The following ZNF565 variants were observed in gnomAD, a reference collection of about 807,000 sequenced individuals.
The protein encoded by ZNF565 is zinc finger protein 565.
In ZNF565, 27 loss-of-function variants were observed where a neutral mutation model predicts 39.4. The ratio of observed to expected loss-of-function variants is 0.69; its 90% CI spans 0.51 to 0.95. ZNF565 has a LOEUF of 0.95. ZNF565 is among the 40% of genes least tolerant of loss of function. The pLI, the probability that ZNF565 is intolerant of heterozygous loss-of-function variation, is 0.00. For synonymous variants in ZNF565, 185 were observed against 216.6 expected (o/e 0.85, Z 1.28); for missense variants, 524 against 621.1 (o/e 0.84, Z 1.66).
chr19:36,220,851 G>A (rs952208664), intron 1 of ZNF565, among the ~76,000 whole-genome samples: 1 of 135,024 alleles, frequency 7.4e-6, no homozygotes, highest in African/African-American at 2.9e-5. Context: ...TTCTTAAAAT[G>A]CATCTTTTTT....
chr19:36,239,100 C>T (rs1035763706), intron 1 of ZNF565, among the ~76,000 whole-genome samples: 5 of 152,260 alleles, frequency 3.3e-5, no homozygotes, highest in Admixed American at 3.3e-4. Context: ...AAACAGGTCC[C>T]TGGTACCAAA....
intron 4 of ZNF565, among the ~76,000 whole-genome samples, chr19:36,187,187 T>A (rs1358025708): frequency 1.3e-5 from 2 of 149,684 alleles, no homozygotes; most frequent in Non-Finnish European, 1.5e-5. Flanking sequence ...CGAAACTCCA[T>A]CTCAAAAAAA....
intron 1 of ZNF565, among the ~76,000 whole-genome samples, chr19:36,229,255 C>A (rs751832413): frequency 6.6e-6 from 1 of 152,164 alleles, no homozygotes; most frequent in African/African-American, 2.4e-5. Context: ...TCACACTTCC[C>A]GTTGTCTTCT....
chr19:36,183,160 T>A lies in ZNF565; in HGVS notation c.806A>T (p.His269Leu). The change falls in exon 5 of 5, where the codon CAT (histidine) becomes CTT (leucine). Residue 269 changes from histidine to leucine, a missense_variant. Coordinates refer to ENST00000304116, the MANE Select transcript of ZNF565 (RefSeq NM_152477.5). Reference sequence around the variant, plus strand: ...TTTCTCGCCTGTGTGAGTTCTTTGATGCAGAATCAGCTGTGAATGCTGCCT... The same window carrying A: ...TTTCTCGCCTGTGTGAGTTCTTTGAAGCAGAATCAGCTGTGAATGCTGCCT... ...TFRQHSQLIL[H>L]QRTHTGEKPY... 1 of 1,614,184 alleles carries A rather than the reference T, an allele frequency of 6.2e-7. No individual in the cohort carries two copies. Among genetic ancestry groups the A allele is most frequent in the Non-Finnish European group, 8.5e-7 (1 of 1,180,034 alleles).
Position 36,241,083 on chromosome 19 carries a change from A to AT in ZNF565, c.55+4392_55+4393insA, listed in dbSNP as rs200404033. ...AATATGTTCTTGTTCCTTATACGTT[A>AT]ACCAGACTCAGGTATTCTGTTATAC... is the stretch of plus-strand genomic sequence containing the variant. On this transcript the variant is annotated intron_variant, in intron 1 of 4. Coordinates refer to the ZNF565 transcript ENST00000355114. Among the ~76,000 whole-genome samples, 1,069 of 152,340 alleles carry AT rather than the reference A, an allele frequency of 7.0e-3. 10 individuals carry two copies. The highest frequency in any genetic ancestry group is 0.024 in the African/African-American group (991 of 41,584).
chr19:36,221,615 T>C (rs1247770827), intron 1 of ZNF565, among the ~76,000 whole-genome samples: 1 of 152,160 alleles, frequency 6.6e-6, no homozygotes, highest in African/African-American at 2.4e-5. Context: ...AAAATGAATT[T>C]GATTACTATT....
At chr19:36,231,963 G>T (rs1006106652) in intron 1 of ZNF565, among the ~76,000 whole-genome samples, 6 of 151,682 alleles carry the variant, frequency 4.0e-5, no homozygotes, top group Non-Finnish European at 8.8e-5. Context: ...AACACTTTGG[G>T]AGGCCGAGGC....
In ZNF565 at chr19:36,182,737, T is replaced by C; in HGVS notation, c.1229A>G (p.Gln410Arg). 1 of 1,614,120 alleles carries C rather than the reference T, an allele frequency of 6.2e-7. No homozygotes were observed. Residue 410 changes from glutamine to arginine, a missense_variant, in exon 5 of 5, where the codon CAA (glutamine) becomes CGA (arginine). By Grantham distance (43) the Gln-to-Arg change is conservative. Transcript: ENST00000304116. ...GGGTTTGTCACCTGTATGAATTCTT[T>C]GATGTTGAATGAGGTATGAGCTACG... The part of the protein sequence containing the change: ...FSRSSYLIQH[Q>R]RIHTGDKPYE...
intron 1 of ZNF565, among the ~76,000 whole-genome samples, chr19:36,213,646 A>G (rs2145371852): frequency 6.6e-6 from 1 of 151,240 alleles, no homozygotes; most frequent in Admixed American, 6.6e-5. Flanking sequence ...TCGGCCTCCC[A>G]AAGTGCTGGG....
chr19:36,192,399 A>G (rs948405505), intron 4 of ZNF565, among the ~76,000 whole-genome samples: 3 of 152,092 alleles, frequency 2.0e-5, no homozygotes, highest in Non-Finnish European at 4.4e-5. Context: ...GTGAGAAAAC[A>G]TTAGACAAAC....
intron 2 of ZNF565, among the ~76,000 whole-genome samples, chr19:36,201,085 T>A (rs771735937): frequency 7.9e-5 from 12 of 152,112 alleles, no homozygotes; most frequent in Admixed American, 1.3e-4. Flanking sequence ...GCTAACCAAT[T>A]GAGCCCCGGA....
At chr19:36,195,396 A>T (rs1240058098) in intron 2 of ZNF565, among the ~76,000 whole-genome samples, 1 of 151,852 alleles carries the variant, frequency 6.6e-6, no homozygotes. Flanking sequence ...TCACCCACAG[A>T]TACTTTAGTA....
At chr19:36,187,742 A>C (rs960930928) in intron 4 of ZNF565, among the ~76,000 whole-genome samples, 6 of 151,084 alleles carry the variant, frequency 4.0e-5, no homozygotes, top group African/African-American at 1.5e-4. Context: ...GGTTCAAGTG[A>C]TTCTCCTGCC....
In ZNF565 at chr19:36,210,952, G is replaced by T. The variant is rs141453921; in HGVS notation, c.-66+3670C>A. On this transcript the variant is annotated intron_variant, in intron 1 of 4. Transcript: ENST00000304116. The stretch of plus-strand genomic sequence containing the variant: ...AAAGAGGCCACATTGAAAGGACACA[G>T]GAATCGACTTGAAGGGGCTCCCAGT... 3.7e-4 allele frequency among the ~76,000 whole-genome samples: 56 copies of T among 151,820 alleles called. 1 individual carries two copies. The East Asian group carries it at 8.3e-3, about 23-fold the overall frequency.
intron 4 of ZNF565, among the ~76,000 whole-genome samples, chr19:36,191,095 T>G (rs1975523388): frequency 6.6e-6 from 1 of 150,616 alleles, no homozygotes. Flanking sequence ...TACAGCATAT[T>G]CTTTTTTTTT....
At chr19:36,217,310 G>A (rs1376154068), upstream of ZNF565, among the ~76,000 whole-genome samples, 1 of 151,568 alleles carries the variant, frequency 6.6e-6, no homozygotes, top group Non-Finnish European at 1.5e-5. Flanking sequence ...TGATCGGCCC[G>A]CCTCGGCTTC....
At chr19:36,215,711 G>A (rs1976573561), upstream of ZNF565, among the ~76,000 whole-genome samples, 1 of 151,824 alleles carries the variant, frequency 6.6e-6, no homozygotes, top group Non-Finnish European at 1.5e-5. Flanking sequence ...GTTTCGGGGT[G>A]CCTACTTCAG....
rs142172636 is a variant in ZNF565 at position 36,191,459 on chromosome 19, G to A, written c.232+2774C>T. Among the ~76,000 whole-genome samples the A allele has an allele frequency of 7.2e-3, 1,097 of 151,780 alleles. 17 individuals are homozygous for A. The highest frequency in any genetic ancestry group is 0.025 in the African/African-American group (1,045 of 41,346). On this transcript the variant is annotated intron_variant, in intron 4 of 4. Transcript: ENST00000304116. ...ACCAGCATTCTTTTGAGAACTGGCT[G>A]ATTTCAGGGCTGAGGCAGGAAAAAT...
chr19:36,210,961 T>C (rs1057072765), intron 1 of ZNF565, among the ~76,000 whole-genome samples: 2 of 151,636 alleles, frequency 1.3e-5, no homozygotes, highest in African/African-American at 4.8e-5. Flanking sequence ...AGGAATCGAC[T>C]TGAAGGGGCT....
Sources: gnomAD v4.1 joint callset for allele counts (sites outside exome capture counted in the v4.1 genomes callset) on GRCh38, gnomAD v4.1.1 for gene constraint, MANE v1.5 for transcripts, NCBI Gene and HGNC (gene_info 2026-07-23, HGNC 2026-07-21) for gene names.